LDLRAP1: variants seen among roughly 807,000 people sequenced by gnomAD.
LDLRAP1 encodes low density lipoprotein receptor adapter protein 1.
Under a neutral mutation model 37.8 loss-of-function variants are expected in LDLRAP1, and 30 were observed. That is an observed-to-expected ratio of 0.79 (90% CI 0.59 to 1.08). LDLRAP1 has a LOEUF of 1.08. Among genes scored for constraint, LDLRAP1 ranks in the 50% least tolerant of loss-of-function variants. The pLI is 0.00. For synonymous variants in LDLRAP1, 156 were observed against 169.8 expected (o/e 0.92, Z 0.63); for missense variants, 375 against 401.6 (o/e 0.93, Z 0.57).
intron 8 of LDLRAP1, among the ~76,000 whole-genome samples, chr1:25,566,392 T>C (rs1448431506): frequency 6.6e-6 from 1 of 152,192 alleles, no homozygotes; most frequent in African/African-American, 2.4e-5. Context: ...GGGAAGCTGC[T>C]ATAATTTACT....
Position 25,567,441 on chromosome 1 carries a change from T to G in LDLRAP1, c.*449T>G, listed in dbSNP as rs112686502. 2 of 279,250 alleles carry G rather than the reference T, an allele frequency of 7.2e-6. No homozygotes were observed. The highest frequency in any genetic ancestry group is 6.9e-6 in the Non-Finnish European group (1 of 144,670). The allele number at this position is 279,250 out of a possible 1,614,324, so 17.3% of individuals were successfully genotyped here. A position where few individuals can be genotyped will look rare whatever the true frequency, so the allele number is the denominator to read the frequency against. On this transcript the variant is annotated 3_prime_UTR_variant, in exon 9 of 9. Transcript: ENST00000374338. ...AAAGCTGTTGGATTTCAGTGATTTT[T>G]CCCCCCACCCCCCAGCACAGGAGAG...
At chr1:25,577,592 C>T in the LDLRAP1 span, among the ~76,000 whole-genome samples, 585 of 152,300 alleles carry the variant, frequency 3.8e-3, 4 homozygotes, top group African/African-American at 0.013. Context: ...GGGAGGCCTG[C>T]GGTGAGACCT....
At chr1:25,557,121 A>T in intron 3 of LDLRAP1, 32 bp from the exon 4 acceptor site, 1 of 1,542,448 alleles carries the variant, frequency 6.5e-7, no homozygotes, top group Non-Finnish European at 9.0e-7. Flanking sequence ...CCCCTGTGCC[A>T]GGTCTGGTGA....
At chr1:25,585,329 T>C in the LDLRAP1 span, among the ~76,000 whole-genome samples, 19 of 149,658 alleles carry the variant, frequency 1.3e-4, no homozygotes, top group African/African-American at 3.8e-4. Context: ...TTTTTATTTT[T>C]TGTTTTTTTT....
chr1:25,564,480 G>A (rs1315788378), intron 7 of LDLRAP1: 1 of 155,596 alleles, frequency 6.4e-6, no homozygotes, highest in African/African-American at 2.4e-5. Context: ...ATTTCTCCAG[G>A]TGCCCCTTCA....
chr1:25,547,570 G>A (rs1278782152), intron 1 of LDLRAP1, among the ~76,000 whole-genome samples: 1 of 152,126 alleles, frequency 6.6e-6, no homozygotes, highest in Non-Finnish European at 1.5e-5. Flanking sequence ...ACCCCGCTGT[G>A]GGAACTGTGG....
rs1355096912 is a variant in LDLRAP1 at position 25,543,656 on chromosome 1, G to A, written c.-43G>A. On this transcript the variant is annotated 5_prime_UTR_variant, in exon 1 of 9. Transcript: ENST00000374338. The stretch of plus-strand genomic sequence containing the variant: ...GGCCGGGCGGAAAGTTTTTCCTGAC[G>A]GAGTTTTGGCTGCGGCAGCGGCGGC... 1.7e-6 allele frequency: 2 copies of A among 1,191,166 alleles called. No homozygotes were observed. Among genetic ancestry groups the A allele is most frequent in the Non-Finnish European group, 1.0e-6 (1 of 957,148 alleles). The allele number at this position is 1,191,166 out of a possible 1,614,324, so 73.8% of individuals were successfully genotyped here. A position where few individuals can be genotyped will look rare whatever the true frequency, so the allele number is the denominator to read the frequency against.
chr1:25,547,342 G>A (rs2043959029), intron 1 of LDLRAP1, among the ~76,000 whole-genome samples: 1 of 152,024 alleles, frequency 6.6e-6, no homozygotes, highest in Admixed American at 6.6e-5. Flanking sequence ...AATTAGCTGG[G>A]TGGGGTGGTG....
the LDLRAP1 span, among the ~76,000 whole-genome samples, chr1:25,587,534 C>T: frequency 2.6e-5 from 4 of 152,292 alleles, no homozygotes; most frequent in East Asian, 1.9e-4. Flanking sequence ...CCCTAATTTC[C>T]GAACAACAAA....
At chr1:25,566,122 G>T (rs1169206453) in intron 8 of LDLRAP1, among the ~76,000 whole-genome samples, 1 of 152,196 alleles carries the variant, frequency 6.6e-6, no homozygotes, top group Non-Finnish European at 1.5e-5. Flanking sequence ...TGAGCATCAT[G>T]TGCCCTTTAT....
At chr1:25,557,776 G>A (rs759419551) in intron 4 of LDLRAP1, among the ~76,000 whole-genome samples, 16 of 152,080 alleles carry the variant, frequency 1.1e-4, no homozygotes, top group Admixed American at 5.9e-4. Context: ...GACAGTGACC[G>A]TCTCTCGGTG....
chr1:25,548,258 A>G (rs2043984882), intron 1 of LDLRAP1, among the ~76,000 whole-genome samples: 1 of 147,524 alleles, frequency 6.8e-6, no homozygotes, highest in Non-Finnish European at 1.5e-5. Context: ...GATACTTGGT[A>G]TGTACCAGAC....
At chr1:25,578,811 C>T in the LDLRAP1 span, among the ~76,000 whole-genome samples, 1 of 152,186 alleles carries the variant, frequency 6.6e-6, no homozygotes, top group East Asian at 1.9e-4. Context: ...AGCCACTGTG[C>T]CTGGTGTGGG....
chr1:25,583,837 T>C, the LDLRAP1 span, among the ~76,000 whole-genome samples: 1 of 152,064 alleles, frequency 6.6e-6, no homozygotes, highest in Admixed American at 6.5e-5. Context: ...GCTTTCTGTC[T>C]CTGTGAATTT....
intron 8 of LDLRAP1, among the ~76,000 whole-genome samples, chr1:25,566,578 C>T (rs1277878623): frequency 7.0e-6 from 1 of 143,542 alleles, no homozygotes; most frequent in African/African-American, 2.5e-5. Context: ...TCTCCTCTTT[C>T]CTGGGCATGT....
At chr1:25,553,820 T>C in intron 1 of LDLRAP1, 102 bp from the exon 2 acceptor site, 1 of 888,948 alleles carries the variant, frequency 1.1e-6, no homozygotes, top group Non-Finnish European at 1.7e-6. Flanking sequence ...GAGACCCCCA[T>C]CCCCCTTGCT....
At chr1:25,558,393 T>C (rs2044261351) in intron 4 of LDLRAP1, among the ~76,000 whole-genome samples, 1 of 152,214 alleles carries the variant, frequency 6.6e-6, no homozygotes, top group African/African-American at 2.4e-5. Context: ...CTTTAGATAT[T>C]GTGTAAGTTG....
chr1:25,569,203 G>T (rs2044566421), downstream of LDLRAP1, among the ~76,000 whole-genome samples: 1 of 152,246 alleles, frequency 6.6e-6, no homozygotes, highest in South Asian at 2.1e-4. Flanking sequence ...CAGTGTGCAT[G>T]AGGTTGTGTA....
chr1:25,569,120 C>T (rs548205370), downstream of LDLRAP1, among the ~76,000 whole-genome samples: 1 of 152,268 alleles, frequency 6.6e-6, no homozygotes, highest in South Asian at 2.1e-4. Flanking sequence ...GAGGCTACAC[C>T]AGGGATCTGG....
Sources: gnomAD v4.1 joint callset for allele counts (sites outside exome capture counted in the v4.1 genomes callset) on GRCh38, gnomAD v4.1.1 for gene constraint, MANE v1.5 for transcripts, NCBI Gene and HGNC (gene_info 2026-07-23, HGNC 2026-07-21) for gene names.